Variants in SCHIP1 observed in about 807,000 individuals in gnomAD.
The protein encoded by SCHIP1 is schwannomin interacting protein 1, also known as schwannomin-interacting protein 1.
A neutral mutation model predicts 29.7 loss-of-function variants in SCHIP1; 8 were observed. That is an observed-to-expected ratio of 0.27 (90% confidence interval 0.16 to 0.49). The LOEUF is 0.49. Among genes scored for constraint, SCHIP1 ranks in the 20% least tolerant of loss-of-function variants. The probability of loss-of-function intolerance (pLI) is 0.99; values close to 1 mark genes in which losing one functional copy is unlikely to be tolerated. For missense variants in SCHIP1, 193 were observed against 294.6 expected, an observed-to-expected ratio of 0.66 and a Z score of 2.52; for synonymous variants, 76 against 94.9, an observed-to-expected ratio of 0.80 and a Z score of 1.16.
At chr3:159,470,868 T>C in the SCHIP1 span, among the ~76,000 whole-genome samples, 2 of 152,108 alleles carry the variant, frequency 1.3e-5, no homozygotes, top group Admixed American at 1.3e-4. Context: ...TCTTCAATAC[T>C]AAGATGAAGA....
chr3:159,680,375 G>T, the SCHIP1 span, among the ~76,000 whole-genome samples: 2 of 149,232 alleles, frequency 1.3e-5, no homozygotes, highest in Admixed American at 6.9e-5. Flanking sequence ...TGGGTGTGGC[G>T]GGGTGTGCCT....
chr3:159,689,112 T>C, the SCHIP1 span, among the ~76,000 whole-genome samples: 6 of 152,208 alleles, frequency 3.9e-5, no homozygotes, highest in African/African-American at 9.6e-5. Context: ...AAATTTAAAG[T>C]AGTTTTTTCT....
intron 3 of SCHIP1, 37 bp downstream of exon 4, chr3:159,886,361 T>C: frequency 6.3e-7 from 1 of 1,587,016 alleles, no homozygotes; most frequent in Non-Finnish European, 8.6e-7. Flanking sequence ...CTCGGTGTTG[T>C]GATTTCCGGG....
chr3:159,296,846 C>T, the SCHIP1 span, among the ~76,000 whole-genome samples: 1 of 152,112 alleles, frequency 6.6e-6, no homozygotes, highest in Non-Finnish European at 1.5e-5. Flanking sequence ...ACCATAGTTA[C>T]TATGCTGTAC....
chr3:159,398,403 G>T, the SCHIP1 span, among the ~76,000 whole-genome samples: 1 of 152,192 alleles, frequency 6.6e-6, no homozygotes, highest in Non-Finnish European at 1.5e-5. Context: ...GTTGGCAAAG[G>T]ACTTGAGAGC....
chr3:159,700,710 G>A, the SCHIP1 span, among the ~76,000 whole-genome samples: 190 of 152,010 alleles, frequency 1.2e-3, no homozygotes, highest in African/African-American at 4.5e-3. Context: ...CTACTCAGGC[G>A]GCTAATACAG....
chr3:159,287,833 C>T, the SCHIP1 span, among the ~76,000 whole-genome samples: 1 of 152,162 alleles, frequency 6.6e-6, no homozygotes, highest in African/African-American at 2.4e-5. Flanking sequence ...CTTCCATGCT[C>T]TGATGCCTGT....
At chr3:159,641,786 G>C in the SCHIP1 span, among the ~76,000 whole-genome samples, 1 of 152,034 alleles carries the variant, frequency 6.6e-6, no homozygotes, top group South Asian at 2.1e-4. Flanking sequence ...ACAAACAAAT[G>C]GTAGTCTCTA....
the SCHIP1 span, among the ~76,000 whole-genome samples, chr3:159,777,659 T>C: frequency 5.9e-5 from 9 of 152,196 alleles, no homozygotes; most frequent in African/African-American, 2.2e-4. Context: ...GTATCTGAAA[T>C]ATAAACACAC....
chr3:159,714,031 G>A, the SCHIP1 span, among the ~76,000 whole-genome samples: 2 of 152,172 alleles, frequency 1.3e-5, no homozygotes, highest in African/African-American at 4.8e-5. Flanking sequence ...GAGGTCAGGA[G>A]TTTGAGGCCA....
chr3:159,306,850 G>C, the SCHIP1 span, among the ~76,000 whole-genome samples: 1 of 152,144 alleles, frequency 6.6e-6, no homozygotes, highest in East Asian at 1.9e-4. Flanking sequence ...ATGTAATATG[G>C]TAATTCTTAT....
chr3:159,592,070 G>A, the SCHIP1 span, among the ~76,000 whole-genome samples: 1 of 151,706 alleles, frequency 6.6e-6, no homozygotes, highest in African/African-American at 2.4e-5. Context: ...CTTGGGGTCT[G>A]GTCAAATCCC....
the SCHIP1 span, among the ~76,000 whole-genome samples, chr3:159,803,437 G>A: frequency 6.6e-6 from 1 of 152,124 alleles, no homozygotes; most frequent in African/African-American, 2.4e-5. Flanking sequence ...CTGTTTTTCA[G>A]TGAATGATAA....
the SCHIP1 span, among the ~76,000 whole-genome samples, chr3:159,680,551 T>A: frequency 8.6e-6 from 1 of 116,802 alleles, no homozygotes; most frequent in African/African-American, 3.3e-5. Flanking sequence ...TGTATATATA[T>A]AATATATATA....
chr3:159,445,129 T>C, the SCHIP1 span, among the ~76,000 whole-genome samples: 2 of 152,164 alleles, frequency 1.3e-5, no homozygotes, highest in African/African-American at 2.4e-5. Flanking sequence ...CCTACTCATC[T>C]GACAAAGGGC....
chr3:159,496,079 C>T, the SCHIP1 span, among the ~76,000 whole-genome samples: 1 of 152,304 alleles, frequency 6.6e-6, no homozygotes, highest in South Asian at 2.1e-4. Flanking sequence ...GGATCCCTTC[C>T]TTACACCTTA....
the SCHIP1 span, among the ~76,000 whole-genome samples, chr3:159,289,069 T>C: frequency 6.6e-6 from 1 of 152,238 alleles, no homozygotes; most frequent in Non-Finnish European, 1.5e-5. Context: ...TGACTTTATC[T>C]TCAAGAATGT....
chr3:159,780,349 T>A, the SCHIP1 span, among the ~76,000 whole-genome samples: 2 of 152,228 alleles, frequency 1.3e-5, no homozygotes, highest in African/African-American at 4.8e-5. Flanking sequence ...GTTGATTCTG[T>A]GGGTTTGTTA....
chr3:159,575,188 T>C, the SCHIP1 span, among the ~76,000 whole-genome samples: 1 of 152,358 alleles, frequency 6.6e-6, no homozygotes, highest in Non-Finnish European at 1.5e-5. Flanking sequence ...TCTTCGTCAA[T>C]CACGCTGCGA....
Sources: gnomAD v4.1 joint callset for allele counts (sites outside exome capture counted in the v4.1 genomes callset) on GRCh38, gnomAD v4.1.1 for gene constraint, MANE v1.5 for transcripts, NCBI Gene and HGNC (gene_info 2026-07-23, HGNC 2026-07-21) for gene names.